ERC1: variants seen among roughly 807,000 people sequenced by gnomAD.
The protein encoded by ERC1 is RAB6 interacting protein 2.
Under a neutral mutation model 132.0 loss-of-function variants are expected in ERC1, and 56 were observed. That is an observed-to-expected ratio of 0.42 (90% CI 0.34 to 0.53). The LOEUF (loss-of-function observed/expected upper bound fraction) is 0.53, where lower values mean the gene tolerates loss of function less well. Ranked by LOEUF, ERC1 falls within the 20% of genes least tolerant of loss-of-function variation. ERC1 has a pLI of 0.03. For synonymous variants in ERC1, 478 were observed against 476.1 expected, an observed-to-expected ratio of 1.00 and a Z score of -0.05; for missense variants, 1,202 against 1,349.9, an observed-to-expected ratio of 0.89 and a Z score of 1.72.
chr12:1,062,060 G>A (rs1454235135), intron 2 of ERC1, among the ~76,000 whole-genome samples: 6 of 140,274 alleles, frequency 4.3e-5, no homozygotes, highest in Admixed American at 7.6e-5. Flanking sequence ...GCATGATCTC[G>A]GCTCACTGCA....
intron 11 of ERC1, among the ~76,000 whole-genome samples, chr12:1,185,730 T>A (rs1045757229): frequency 1.0e-4 from 15 of 144,784 alleles, no homozygotes; most frequent in Admixed American, 2.8e-4. Flanking sequence ...AACTCTAGGT[T>A]GTTTTTTTTT....
intron 7 of ERC1, among the ~76,000 whole-genome samples, chr12:1,122,007 ATCTATC>A (rs1217519006): frequency 0.12 from 205 of 1,774 alleles, 93 homozygotes; most frequent in African/African-American, 0.12. Flanking sequence ...CTCTATCTCT[ATCTATC>A]TCTATCTCTA....
chr12:1,400,862 A>G (rs11613106), intron 16 of ERC1, among the ~76,000 whole-genome samples: 31,220 of 147,168 alleles, frequency 0.21, 3,776 homozygotes, highest in Non-Finnish European at 0.28. Flanking sequence ...ATCAGAAAGT[A>G]TGAGTCTTCC....
At chr12:1,128,106 A>G (rs1171311213) in intron 7 of ERC1, among the ~76,000 whole-genome samples, 2 of 152,206 alleles carry the variant, frequency 1.3e-5, no homozygotes, top group Non-Finnish European at 2.9e-5. Flanking sequence ...GTACGTGTAG[A>G]TTCCCACAGG....
intron 16 of ERC1, among the ~76,000 whole-genome samples, chr12:1,374,133 A>G (rs903160151): frequency 2.6e-5 from 4 of 152,188 alleles, no homozygotes; most frequent in Admixed American, 6.5e-5. Context: ...TATGGCATCA[A>G]TGTTGTTTTA....
At chr12:1,336,530 T>C (rs990636798) in intron 15 of ERC1, among the ~76,000 whole-genome samples, 1 of 152,210 alleles carries the variant, frequency 6.6e-6, no homozygotes, top group African/African-American at 2.4e-5. Flanking sequence ...CAGGAGTAGG[T>C]TGATCAATTT....
At chr12:1,484,282 T>A (rs61912165) in intron 18 of ERC1, among the ~76,000 whole-genome samples, 6 of 151,380 alleles carry the variant, frequency 4.0e-5, no homozygotes, top group South Asian at 4.2e-4. Flanking sequence ...TCCAGCCTGG[T>A]GACAGAGCGA....
Position 1,027,745 on chromosome 12 carries a change from C to T in ERC1, c.-156-3C>T. On this transcript the variant is annotated splice_region_variant and splice_polypyrimidine_tract_variant and intron_variant, in intron 1 of 18. Transcript: ENST00000360905. ...GATTTAATGTGTGATCTTTTCATTA[C>T]AGATATGGTGTAAGATACTTCTTCA... 5 of 614,776 alleles carry T rather than the reference C, an allele frequency of 8.1e-6. No individual in the cohort carries two copies. The highest frequency in any genetic ancestry group is 1.4e-5 in the Non-Finnish European group (5 of 347,422). The allele number at this position is 614,776 out of a possible 1,614,324, so 38.1% of individuals were successfully genotyped here. A position where few individuals can be genotyped will look rare whatever the true frequency, so the allele number is the denominator to read the frequency against.
At chr12:1,048,295 C>T (rs1033503726) in intron 2 of ERC1, among the ~76,000 whole-genome samples, 9 of 152,192 alleles carry the variant, frequency 5.9e-5, no homozygotes, top group Admixed American at 3.3e-4. Flanking sequence ...TGAAACCTAT[C>T]GTTCATTACA....
In ERC1 at chr12:1,104,734, T is replaced by A. The variant is rs1179107651; in HGVS notation, c.1087-16T>A. Reference sequence around the variant, plus strand: ...AACAGGAGAGCACTGAATCTCTTTCTGCCTCTTTTCTACAGGAGATGCATC... The same window carrying A: ...AACAGGAGAGCACTGAATCTCTTTCAGCCTCTTTTCTACAGGAGATGCATC... On this transcript the variant is annotated splice_polypyrimidine_tract_variant and intron_variant, in intron 3 of 18. Transcript: ENST00000360905. 6.3e-7 allele frequency: 1 copy of A among 1,598,432 alleles called. No homozygotes were observed. Among genetic ancestry groups the A allele is most frequent in the East Asian group, 2.2e-5 (1 of 44,782 alleles).
At chr12:1,267,071 T>C (rs2077528654) in intron 14 of ERC1, among the ~76,000 whole-genome samples, 1 of 152,192 alleles carries the variant, frequency 6.6e-6, no homozygotes, top group African/African-American at 2.4e-5. Context: ...GGGATCCCCT[T>C]ACAGTTTATT....
At chr12:1,261,578 G>A (rs939711358) in intron 13 of ERC1, among the ~76,000 whole-genome samples, 5 of 152,102 alleles carry the variant, frequency 3.3e-5, no homozygotes, top group Non-Finnish European at 7.4e-5. Flanking sequence ...CTCTGCGCGC[G>A]GCGTCCCTTT....
intron 18 of ERC1, among the ~76,000 whole-genome samples, chr12:1,445,354 C>T (rs1337167740): frequency 6.6e-6 from 1 of 151,446 alleles, no homozygotes; most frequent in African/African-American, 2.4e-5. Context: ...CTCAGCCTTC[C>T]GGGTAGCTGG....
intron 18 of ERC1, among the ~76,000 whole-genome samples, chr12:1,487,729 A>G (rs2094249804): frequency 6.7e-6 from 1 of 148,832 alleles, no homozygotes; most frequent in Non-Finnish European, 1.5e-5. Flanking sequence ...AATTAATAGA[A>G]AGAGAGAGAG....
intron 15 of ERC1, among the ~76,000 whole-genome samples, chr12:1,311,689 C>G (rs1267687315): frequency 6.6e-6 from 1 of 152,112 alleles, no homozygotes; most frequent in African/African-American, 2.4e-5. Flanking sequence ...TGGTACCGAT[C>G]CAGTTGGCAT....
At chr12:1,022,677 C>CT (rs1331256356) in intron 1 of ERC1, among the ~76,000 whole-genome samples, 1 of 151,962 alleles carries the variant, frequency 6.6e-6, no homozygotes, top group Non-Finnish European at 1.5e-5. Flanking sequence ...TTTATTTTTT[C>CT]TTTTTTGAGA....
chr12:1,336,049 A>G (rs2083285980), intron 15 of ERC1, among the ~76,000 whole-genome samples: 1 of 152,168 alleles, frequency 6.6e-6, no homozygotes, highest in Admixed American at 6.5e-5. Flanking sequence ...GTTTACATGC[A>G]TAAAGTTGTT....
intron 15 of ERC1, among the ~76,000 whole-genome samples, chr12:1,363,208 A>G (rs754384032): frequency 2.5e-4 from 38 of 152,172 alleles, no homozygotes; most frequent in Non-Finnish European, 3.8e-4. Flanking sequence ...TTGTTTTTTG[A>G]CAAGTAGAGA....
chr12:1,229,388 C>T (rs1469717966), intron 12 of ERC1, among the ~76,000 whole-genome samples: 1 of 152,084 alleles, frequency 6.6e-6, no homozygotes, highest in African/African-American at 2.4e-5. Flanking sequence ...GTGGTTGCAG[C>T]AACTTGAGAG....
Sources: gnomAD v4.1 joint callset for allele counts (sites outside exome capture counted in the v4.1 genomes callset) on GRCh38, gnomAD v4.1.1 for gene constraint, MANE v1.5 for transcripts, NCBI Gene and HGNC (gene_info 2026-07-23, HGNC 2026-07-21) for gene names.